The following TSPAN11 variants were observed in gnomAD, a reference collection of about 807,000 sequenced individuals.
TSPAN11 encodes tetraspanin 11.
In TSPAN11, 29 loss-of-function variants were observed where a neutral mutation model predicts 32.9. That is an observed-to-expected ratio of 0.88 (90% CI 0.66 to 1.20). The LOEUF is 1.20. TSPAN11 is among the 50% of genes most tolerant of loss of function. The pLI, the probability that TSPAN11 is intolerant of heterozygous loss-of-function variation, is 0.00. For synonymous variants in TSPAN11, 140 were observed against 141.3 expected (o/e 0.99, Z 0.07); for missense variants, 283 against 329.1 (o/e 0.86, Z 1.08).
At chr12:30,945,033 T>A (rs1186482002) in intron 1 of TSPAN11, among the ~76,000 whole-genome samples, 1 of 152,208 alleles carries the variant, frequency 6.6e-6, no homozygotes, top group African/African-American at 2.4e-5. Flanking sequence ...CAGTGCTTCC[T>A]GTTGCACTGG....
intron 1 of TSPAN11, 192 bp downstream of exon 1, chr12:30,926,988 C>CG: frequency 5.5e-6 from 7 of 1,282,726 alleles, no homozygotes; most frequent in Non-Finnish European, 7.1e-6. Context: ...CTGGGACACT[C>CG]GCGGGGCATG....
chr12:30,927,199 T>G (rs1026442131), intron 1 of TSPAN11, among the ~76,000 whole-genome samples: 4 of 152,246 alleles, frequency 2.6e-5, no homozygotes, highest in African/African-American at 4.8e-5. Flanking sequence ...CTGCCTCTCA[T>G]GGCTACACCA....
At chr12:31,008,096 T>C in the TSPAN11 span, among the ~76,000 whole-genome samples, 1 of 106,288 alleles carries the variant, frequency 9.4e-6, no homozygotes, top group South Asian at 3.6e-4. Flanking sequence ...CAACAACTTA[T>C]TCCATTTCTT....
chr12:30,961,641 G>A (rs933753619), intron 2 of TSPAN11, among the ~76,000 whole-genome samples: 2 of 151,994 alleles, frequency 1.3e-5, no homozygotes, highest in Non-Finnish European at 2.9e-5. Flanking sequence ...GGGACGGGGT[G>A]GAGGCTCTCA....
At chr12:31,011,964 G>T in the TSPAN11 span, among the ~76,000 whole-genome samples, 1 of 152,238 alleles carries the variant, frequency 6.6e-6, no homozygotes, top group Non-Finnish European at 1.5e-5. Context: ...TCAAGCCCAG[G>T]TCAGTCCGGG....
Position 30,964,595 on chromosome 12 carries a change from AC to A in TSPAN11, c.276+581del, listed in dbSNP as rs774099536. 2.6e-5 allele frequency among the ~76,000 whole-genome samples: 4 copies of A among 152,102 alleles called. No homozygotes were observed. In the South Asian group the frequency reaches 8.3e-4, roughly 32 times the overall value. ...TGGTTCCGTCCACTCTCTCACCTGC[AC>A]CCTGCCCACTTCCTAACCCCAGGGT... On this transcript the variant is annotated intron_variant, in intron 3 of 7. Coordinates refer to ENST00000546076, the MANE Select transcript of TSPAN11 (RefSeq NM_001370302.1).
the TSPAN11 span, among the ~76,000 whole-genome samples, chr12:31,009,309 T>A: frequency 6.6e-6 from 1 of 152,172 alleles, no homozygotes; most frequent in Non-Finnish European, 1.5e-5. Context: ...GACCCCCTAT[T>A]GCTCTGCAGT....
At chr12:30,928,920 G>C (rs769810218) in intron 1 of TSPAN11, among the ~76,000 whole-genome samples, 3 of 152,202 alleles carry the variant, frequency 2.0e-5, no homozygotes, top group African/African-American at 4.8e-5. Flanking sequence ...CCTTTGTGCC[G>C]TTGCCTGCTG....
At chr12:31,009,072 A>C in the TSPAN11 span, among the ~76,000 whole-genome samples, 1 of 152,110 alleles carries the variant, frequency 6.6e-6, no homozygotes, top group Non-Finnish European at 1.5e-5. Context: ...AATGACTAAC[A>C]CTATAAAACC....
chr12:30,987,003 A>G (rs576963927), intron 7 of TSPAN11, among the ~76,000 whole-genome samples: 5 of 152,376 alleles, frequency 3.3e-5, no homozygotes, highest in Admixed American at 2.6e-4. Flanking sequence ...CTGTTGTATG[A>G]TAAAGCCAGC....
intron 7 of TSPAN11, among the ~76,000 whole-genome samples, chr12:30,987,469 T>C (rs1386267859): frequency 6.6e-6 from 1 of 152,056 alleles, no homozygotes; most frequent in African/African-American, 2.4e-5. Context: ...TAGCTGGGCA[T>C]GGAGGCGCGC....
chr12:31,010,350 T>C, the TSPAN11 span, among the ~76,000 whole-genome samples: 1 of 152,148 alleles, frequency 6.6e-6, no homozygotes, highest in Non-Finnish European at 1.5e-5. Context: ...ACATTGACAT[T>C]AAATCACAAC....
In TSPAN11 at chr12:30,979,657, G is replaced by T; in HGVS notation, c.443G>T (p.Arg148Leu). 6.2e-7 allele frequency: 1 copy of T among 1,614,128 alleles called. No individual in the cohort carries two copies. The highest frequency in any genetic ancestry group is 8.5e-7 in the Non-Finnish European group (1 of 1,180,004). ...ACGCAGATCACCGCCTCAGTGGACC[G>T]ACTCCAGCAGGATGTAAGCCATGCC... The part of the protein sequence containing the change: ...GATQITASVD[R>L]LQQDFKCCGS... The change falls in exon 5 of 8, where the codon CGA becomes CTA. Residue 148 changes from arginine (R) to leucine (L), a missense_variant. Coordinates refer to ENST00000546076, the MANE Select transcript of TSPAN11 (RefSeq NM_001370302.1).
At chr12:30,982,425 C>G (rs1040517092) in intron 5 of TSPAN11, 107 bp from the exon 6 acceptor site, 2 of 1,439,948 alleles carry the variant, frequency 1.4e-6, no homozygotes, top group African/African-American at 2.8e-5. Context: ...AACCATGGTT[C>G]GGGTAGACAA....
the TSPAN11 span, among the ~76,000 whole-genome samples, chr12:31,013,327 C>G: frequency 6.6e-6 from 1 of 152,060 alleles, no homozygotes; most frequent in Middle Eastern, 3.2e-3. Flanking sequence ...GGAGCAGTGG[C>G]TCACACCTAT....
chr12:30,930,458 G>A (rs1203871996), intron 1 of TSPAN11, among the ~76,000 whole-genome samples: 3 of 152,216 alleles, frequency 2.0e-5, no homozygotes, highest in Non-Finnish European at 4.4e-5. Flanking sequence ...AAGGGTGGCC[G>A]GAGAGCCCAG....
At chr12:30,943,770 T>C (rs973365104) in intron 1 of TSPAN11, among the ~76,000 whole-genome samples, 10 of 152,178 alleles carry the variant, frequency 6.6e-5, no homozygotes, top group African/African-American at 2.2e-4. Flanking sequence ...TTCAGGAAGA[T>C]GGACAGTCAC....
intron 1 of TSPAN11, among the ~76,000 whole-genome samples, chr12:30,936,564 C>A (rs890201949): frequency 1.3e-5 from 2 of 152,056 alleles, no homozygotes; most frequent in South Asian, 4.2e-4. Context: ...GGTGGGTTCG[C>A]AAGATGTTCA....
chr12:30,941,603 C>G (rs189681021), intron 1 of TSPAN11, among the ~76,000 whole-genome samples: 5 of 152,184 alleles, frequency 3.3e-5, no homozygotes, highest in Non-Finnish European at 5.9e-5. Flanking sequence ...GCCTAGCCCC[C>G]CTTAAGTTAC....
Sources: gnomAD v4.1 joint callset for allele counts (sites outside exome capture counted in the v4.1 genomes callset) on GRCh38, gnomAD v4.1.1 for gene constraint, MANE v1.5 for transcripts, NCBI Gene and HGNC (gene_info 2026-07-23, HGNC 2026-07-21) for gene names.